Variants in TMEM178B observed in about 807,000 individuals in gnomAD.
TMEM178B encodes the protein transmembrane protein 178B.
TMEM178B carries 5 observed loss-of-function variants against 31.0 expected under a neutral mutation model. That is an observed-to-expected ratio of 0.16 (90% CI 0.08 to 0.34). The LOEUF (loss-of-function observed/expected upper bound fraction) is 0.34, where lower values mean the gene tolerates loss of function less well. TMEM178B is among the 10% of genes least tolerant of loss of function. The pLI, the probability that TMEM178B is intolerant of heterozygous loss-of-function variation, is 1.00. For missense variants in TMEM178B, 275 were observed against 400.3 expected, an observed-to-expected ratio of 0.69 and a Z score of 2.67; for synonymous variants, 164 against 164.0, an observed-to-expected ratio of 1.00 and a Z score of 0.00.
At chr7:141,105,430 C>T (rs1056237177) in intron 1 of TMEM178B, among the ~76,000 whole-genome samples, 2 of 152,110 alleles carry the variant, frequency 1.3e-5, no homozygotes, top group Non-Finnish European at 2.9e-5. Context: ...TTGCTTGAAC[C>T]CAGGAGACGG....
intron 2 of TMEM178B, among the ~76,000 whole-genome samples, chr7:141,311,940 A>G (rs1451242575): frequency 1.3e-5 from 2 of 152,232 alleles, no homozygotes; most frequent in Non-Finnish European, 2.9e-5. Context: ...CAAGGGATGC[A>G]TCCCCAAAGA....
At chr7:141,349,401 A>G (rs969401352) in intron 2 of TMEM178B, among the ~76,000 whole-genome samples, 1 of 152,146 alleles carries the variant, frequency 6.6e-6, no homozygotes, top group African/African-American at 2.4e-5. Flanking sequence ...ATAGACAGGA[A>G]AGGGGCCCAG....
At chr7:141,194,384 G>A (rs1324321839) in intron 1 of TMEM178B, among the ~76,000 whole-genome samples, 1 of 152,184 alleles carries the variant, frequency 6.6e-6, no homozygotes, top group East Asian at 1.9e-4. Flanking sequence ...CATTTCAAAT[G>A]GGAGAAATTG....
chr7:141,309,201 A>G (rs909690664), intron 2 of TMEM178B, among the ~76,000 whole-genome samples: 1 of 152,238 alleles, frequency 6.6e-6, no homozygotes, highest in African/African-American at 2.4e-5. Context: ...ACCAACAGGT[A>G]TCCACTCAAA....
At chr7:141,185,756 G>A (rs528285188) in intron 1 of TMEM178B, among the ~76,000 whole-genome samples, 3 of 152,130 alleles carry the variant, frequency 2.0e-5, no homozygotes, top group East Asian at 1.9e-4. Flanking sequence ...TCCTCACCTC[G>A]GTCCGTGGGG....
At chr7:141,486,098 A>G in the TMEM178B span, among the ~76,000 whole-genome samples, 11 of 152,264 alleles carry the variant, frequency 7.2e-5, no homozygotes, top group African/African-American at 2.7e-4. Flanking sequence ...ACCTTTTGTA[A>G]CAACATGGAT....
rs567789632 is a variant in TMEM178B at position 141,189,965 on chromosome 7, C to G, written c.383-22626C>G. ...CACATCATCCTGGGCAGAGCTGAAA[C>G]AGACCCATATTCTTTTTTATGATTT... is the stretch of plus-strand genomic sequence containing the variant. On this transcript the variant is annotated intron_variant, in intron 1 of 3. Coordinates refer to ENST00000565468, the MANE Select transcript of TMEM178B (RefSeq NM_001195278.2). Among the ~76,000 whole-genome samples, 22 of 152,300 alleles carry G rather than the reference C, an allele frequency of 1.4e-4. No homozygotes were observed. The East Asian group carries it at 4.1e-3, about 28-fold the overall frequency.
At chr7:141,128,982 G>A (rs1795551615) in intron 1 of TMEM178B, among the ~76,000 whole-genome samples, 1 of 152,140 alleles carries the variant, frequency 6.6e-6, no homozygotes, top group Non-Finnish European at 1.5e-5. Context: ...TGATGTTTCA[G>A]TTACTAAATT....
At chr7:141,156,160 T>C (rs536952575) in intron 1 of TMEM178B, among the ~76,000 whole-genome samples, 1 of 152,326 alleles carries the variant, frequency 6.6e-6, no homozygotes, top group South Asian at 2.1e-4. Context: ...AGCATGATTC[T>C]GCAAATCTCA....
intron 1 of TMEM178B, among the ~76,000 whole-genome samples, chr7:141,114,181 G>A (rs796281014): frequency 5.3e-5 from 8 of 152,352 alleles, no homozygotes; most frequent in African/African-American, 1.9e-4. Flanking sequence ...CGTACTGGTT[G>A]CTGAGGCAGG....
At position 141,224,110 on chromosome 7, in the gene TMEM178B, GCT is replaced by G. The variant is rs1217887396; in HGVS notation, c.496+11410_496+11411del. Among the ~76,000 whole-genome samples the G allele has an allele frequency of 2.6e-5, 4 of 152,078 alleles. No individual in the cohort carries two copies. In the South Asian group the frequency reaches 8.3e-4, roughly 32 times the overall value. On this transcript the variant is annotated intron_variant, in intron 2 of 3. Transcript: ENST00000565468. ...TATAAAGCGTTTCCCGTTTTGCTTG[GCT>G]CTCATTCCCTCTTGTGTGCTGCCAT...
chr7:141,249,918 A>T (rs956331277), intron 2 of TMEM178B, among the ~76,000 whole-genome samples: 5 of 152,192 alleles, frequency 3.3e-5, no homozygotes, highest in Admixed American at 2.0e-4. Context: ...TTTAGTGGAG[A>T]TGATTAATTC....
intron 1 of TMEM178B, among the ~76,000 whole-genome samples, chr7:141,096,880 G>A (rs1794968421): frequency 6.6e-6 from 1 of 152,118 alleles, no homozygotes; most frequent in South Asian, 2.1e-4. Flanking sequence ...TCGAGCCCAG[G>A]AGTGTGAGAC....
chr7:141,174,442 A>G (rs1025290919), intron 1 of TMEM178B, among the ~76,000 whole-genome samples: 1 of 152,182 alleles, frequency 6.6e-6, no homozygotes, highest in African/African-American at 2.4e-5. Context: ...GTGTCTTTAT[A>G]GTAGAATGAT....
chr7:141,085,561 T>C (rs1267073759), intron 1 of TMEM178B, among the ~76,000 whole-genome samples: 1 of 152,072 alleles, frequency 6.6e-6, no homozygotes, highest in Non-Finnish European at 1.5e-5. Flanking sequence ...TTTCCTGCTT[T>C]TTAAAATGCC....
At chr7:141,227,182 G>A (rs1357956595) in intron 2 of TMEM178B, among the ~76,000 whole-genome samples, 3 of 152,246 alleles carry the variant, frequency 2.0e-5, no homozygotes, top group Non-Finnish European at 4.4e-5. Flanking sequence ...GGCTGGAAGT[G>A]TGGTAAACAA....
chr7:141,337,698 A>G (rs1027519266), intron 2 of TMEM178B, among the ~76,000 whole-genome samples: 40 of 152,186 alleles, frequency 2.6e-4, no homozygotes, highest in Non-Finnish European at 4.7e-4. Flanking sequence ...TGTGTCTGGT[A>G]TGTTTTCCTA....
intron 2 of TMEM178B, among the ~76,000 whole-genome samples, chr7:141,333,356 T>C (rs1799328789): frequency 6.6e-6 from 1 of 152,232 alleles, no homozygotes; most frequent in African/African-American, 2.4e-5. Flanking sequence ...ATTCCCTTTC[T>C]GGTTTCAGCA....
chr7:141,276,641 G>C (rs768992697), intron 2 of TMEM178B, among the ~76,000 whole-genome samples: 3 of 152,062 alleles, frequency 2.0e-5, no homozygotes, highest in Non-Finnish European at 2.9e-5. Flanking sequence ...TCCCTCCCAT[G>C]ACACGTGGGG....
Sources: gnomAD v4.1 joint callset for allele counts (sites outside exome capture counted in the v4.1 genomes callset) on GRCh38, gnomAD v4.1.1 for gene constraint, MANE v1.5 for transcripts, NCBI Gene and HGNC (gene_info 2026-07-23, HGNC 2026-07-21) for gene names.